The following NOCT variants were observed in gnomAD, a reference collection of about 807,000 sequenced individuals.
The protein encoded by NOCT is nocturnin.
NOCT carries 18 observed loss-of-function variants against 35.0 expected under a neutral mutation model. The observed-to-expected ratio is 0.51, with a 90% CI of 0.36 to 0.76. The LOEUF is 0.76. Ranked by LOEUF, NOCT falls within the 30% of genes least tolerant of loss-of-function variation. The pLI is 0.01. For synonymous variants in NOCT, 235 were observed against 226.3 expected (o/e 1.04, Z -0.34); for missense variants, 479 against 541.0 (o/e 0.89, Z 1.14).
intron 1 of NOCT, among the ~76,000 whole-genome samples, chr4:139,022,262 A>G (rs1216692202): frequency 2.6e-5 from 4 of 152,176 alleles, no homozygotes; most frequent in African/African-American, 9.7e-5. Flanking sequence ...GGAGGGAGTG[A>G]GACCTCAAGT....
chr4:139,028,963 C>T (rs537605277), intron 1 of NOCT, among the ~76,000 whole-genome samples: 92 of 151,604 alleles, frequency 6.1e-4, no homozygotes, highest in African/African-American at 2.1e-3. Flanking sequence ...CTCAGCCTCC[C>T]GAGTAGCTGA....
At chr4:139,040,034 A>G (rs1045034813) in intron 1 of NOCT, among the ~76,000 whole-genome samples, 42 of 112,962 alleles carry the variant, frequency 3.7e-4, no homozygotes, top group African/African-American at 1.3e-3. Flanking sequence ...GGCCTCTTGT[A>G]TCATTTTCTT....
chr4:139,044,656 G>A lies in NOCT; in HGVS notation c.478G>A (p.Asp160Asn). 1 of 1,610,796 alleles carries A rather than the reference G, an allele frequency of 6.2e-7. No homozygotes were observed. The highest frequency in any genetic ancestry group is 8.5e-7 in the Non-Finnish European group (1 of 1,177,654). ...CTTTTCAGCTCTTGGAGAAGGCAAAGACAACTTTGTACAGTGCCCTGTTGA... is the reference window on the plus strand; with the variant it reads ...CTTTTCAGCTCTTGGAGAAGGCAAAAACAACTTTGTACAGTGCCCTGTTGA... ...ILAQALGEGK[D>N]NFVQCPVEAL... is the part of the protein sequence containing the mutation. Residue 160 changes from aspartate to asparagine, a missense_variant, in exon 3 of 3, where the codon GAC (aspartate) becomes AAC (asparagine). Physicochemically the swap from Asp to Asn is conservative, Grantham distance 23 (BLOSUM62 1). Around this residue, in one of 2 missense-constraint regions of NOCT, gnomAD observed 265 missense variants for 257.0 expected, o/e 1.03. Coordinates refer to ENST00000280614, the MANE Select transcript of NOCT (RefSeq NM_012118.4).
chr4:139,042,736 G>A (rs1338686222), intron 1 of NOCT, among the ~76,000 whole-genome samples: 5 of 151,944 alleles, frequency 3.3e-5, no homozygotes, highest in African/African-American at 1.2e-4. Context: ...ACCAACATGG[G>A]GAAACCCCAT....
chr4:139,045,639 C>G lies in NOCT; in HGVS notation c.*165C>G, dbSNP rs1005950050. 14 of 509,218 alleles carry G rather than the reference C, an allele frequency of 2.7e-5. No individual in the cohort carries two copies. Among genetic ancestry groups the G allele is most frequent in the African/African-American group, 2.5e-4 (13 of 51,086 alleles). 31.5% of individuals were successfully genotyped at this position (509,218 alleles called of 1,614,324 possible). ...TCATGGCATTCTCCTGCCTCAGCCTCCAGAGCAACTGGGACAACAGGCGCC... is the reference window on the plus strand; with the variant it reads ...TCATGGCATTCTCCTGCCTCAGCCTGCAGAGCAACTGGGACAACAGGCGCC... On this transcript the variant is annotated 3_prime_UTR_variant, in exon 3 of 3. Coordinates refer to ENST00000280614, the MANE Select transcript of NOCT (RefSeq NM_012118.4).
At position 139,024,698 on chromosome 4, in the gene NOCT, C is replaced by T. The variant is rs542019939; in HGVS notation, c.190+8527C>T. On this transcript the variant is annotated intron_variant, in intron 1 of 2. Transcript: ENST00000280614. ...CCTCCATCAACCTGGTTCAAGCACTCCTCCCACCTCAGCCTCCCAAGTAGC... is the reference window on the plus strand; with the variant it reads ...CCTCCATCAACCTGGTTCAAGCACTTCTCCCACCTCAGCCTCCCAAGTAGC... 5.3e-5 allele frequency among the ~76,000 whole-genome samples: 8 copies of T among 152,184 alleles called. No individual in the cohort carries two copies. The East Asian group carries it at 1.5e-3, about 29-fold the overall frequency.
rs114299244 is a variant in NOCT, at chr4:139,029,308, T to A, written c.190+13137T>A. On this transcript the variant is annotated intron_variant, in intron 1 of 2. Transcript: ENST00000280614. The stretch of plus-strand genomic sequence containing the variant: ...ATTACACTTACCTATATGAAGAAGA[T>A]AATGAAGAAGCAGAGAGGTAAATAA... Among the ~76,000 whole-genome samples the A allele has an allele frequency of 1.0e-3, 159 of 152,306 alleles. 1 individual carries two copies. Among genetic ancestry groups the A allele is most frequent in the African/African-American group, 3.8e-3 (156 of 41,566 alleles).
chr4:139,043,465 C>T (rs1367614713), intron 2 of NOCT, 122 bp downstream of exon 2: 2 of 923,040 alleles, frequency 2.2e-6, no homozygotes, highest in Non-Finnish European at 3.4e-6. Context: ...GAGGTGACTG[C>T]AGCAGCATGG....
In NOCT at chr4:139,016,035, C is replaced by T; in HGVS notation, c.54C>T (p.Pro18=). ...CGGCCCTGCTGCAGAGGGACGCGCCCGGCCTGCGCCGCCTGCCCGCCCCAG... is the reference window on the plus strand; with the variant it reads ...CGGCCCTGCTGCAGAGGGACGCGCCTGGCCTGCGCCGCCTGCCCGCCCCAG... ...LCSALLQRDA[P]GLRRLPAPGL... Residue 18 remains proline, a synonymous_variant, in exon 1 of 3, where the codon CCC becomes CCT. Transcript: ENST00000280614. 2.9e-6 allele frequency: 4 copies of T among 1,391,248 alleles called. No individual in the cohort carries two copies. The highest frequency in any genetic ancestry group is 3.7e-6 in the Non-Finnish European group (4 of 1,071,992). 86.2% of individuals were successfully genotyped at this position (1,391,248 alleles called of 1,614,324 possible).
intron 1 of NOCT, among the ~76,000 whole-genome samples, chr4:139,027,465 TGTG>T (rs1439490546): frequency 6.6e-6 from 1 of 152,070 alleles, no homozygotes. Flanking sequence ...GCTGTTGTAG[TGTG>T]AAAGCAGCTA....
intron 1 of NOCT, among the ~76,000 whole-genome samples, chr4:139,039,959 C>T (rs1578632745): frequency 6.6e-6 from 1 of 151,894 alleles, no homozygotes; most frequent in Admixed American, 6.6e-5. Context: ...AACTCCTGAC[C>T]TCAGGTGATC....
At position 139,045,536 on chromosome 4, in the gene NOCT, A is replaced by G. The variant is rs1357718195; in HGVS notation, c.*62A>G. 1.1e-4 allele frequency: 39 copies of G among 352,350 alleles called. No individual in the cohort carries two copies. The highest frequency in any genetic ancestry group is 1.6e-4 in the Non-Finnish European group (36 of 222,168). The allele number at this position is 352,350 out of a possible 1,614,324, so 21.8% of individuals were successfully genotyped here. ...TTTTTTTTTTTTTTTTTTTTTTTTG[A>G]GACAGAGTCTCGCTCTGTTGCCTAG... On this transcript the variant is annotated 3_prime_UTR_variant, in exon 3 of 3. Transcript: ENST00000280614.
intron 1 of NOCT, among the ~76,000 whole-genome samples, chr4:139,037,632 A>G (rs950300659): frequency 6.6e-6 from 1 of 152,174 alleles, no homozygotes; most frequent in African/African-American, 2.4e-5. Flanking sequence ...TATATGAGGA[A>G]CATAGATTTG....
chr4:139,017,225 C>CTTT lies in NOCT; in HGVS notation c.190+1071_190+1073dup, dbSNP rs547505786. Reference sequence around the variant, plus strand: ...TCTTTCAAAACTAGGCAATACATAACTTTTTTTTTTTTTTTTTTTGAGACG... The same window carrying CTTT: ...TCTTTCAAAACTAGGCAATACATAACTTTTTTTTTTTTTTTTTTTTTTGAGACG... On this transcript the variant is annotated intron_variant, in intron 1 of 2. Transcript: ENST00000280614. Among the ~76,000 whole-genome samples the CTTT allele has an allele frequency of 1.2e-4, 15 of 122,826 alleles. 1 individual carries two copies. The highest frequency in any genetic ancestry group is 2.5e-4 in the East Asian group (1 of 3,974). The allele number at this position is 122,826 out of a possible 152,430, so 80.6% of individuals were successfully genotyped here. A position where few individuals can be genotyped will look rare whatever the true frequency, so the allele number is the denominator to read the frequency against.
At chr4:139,039,506 G>T in intron 1 of NOCT, among the ~76,000 whole-genome samples, 1 of 147,026 alleles carries the variant, frequency 6.8e-6, no homozygotes, top group African/African-American at 2.5e-5. Flanking sequence ...CCCTTTCGTT[G>T]GTCTTCATCT....
At chr4:139,036,767 GA>G (rs1172302845) in intron 1 of NOCT, among the ~76,000 whole-genome samples, 19 of 151,934 alleles carry the variant, frequency 1.3e-4, no homozygotes, top group African/African-American at 4.6e-4. Context: ...TCAGAGAATA[GA>G]GAAATAAATG....
chr4:139,031,966 G>C (rs1025950398), intron 1 of NOCT, among the ~76,000 whole-genome samples: 1 of 152,132 alleles, frequency 6.6e-6, no homozygotes, highest in Non-Finnish European at 1.5e-5. Context: ...ACCCACCTTG[G>C]CCTCCCAAAG....
At chr4:139,024,135 ACTGTAAC>A (rs1239209268) in intron 1 of NOCT, among the ~76,000 whole-genome samples, 10 of 147,010 alleles carry the variant, frequency 6.8e-5, no homozygotes, top group African/African-American at 2.5e-4. Context: ...ATCATAGCTC[ACTGTAAC>A]CTCCAACTCC....
intron 1 of NOCT, among the ~76,000 whole-genome samples, chr4:139,037,248 A>G (rs185525814): frequency 1.2e-4 from 19 of 152,316 alleles, no homozygotes; most frequent in Non-Finnish European, 2.5e-4. Flanking sequence ...GCCCAATGAT[A>G]TCTTTCTCAG....
Sources: gnomAD v4.1 joint callset for allele counts (sites outside exome capture counted in the v4.1 genomes callset) on GRCh38, gnomAD v4.1.1 for gene constraint, gnomAD v4.1.1 regional missense constraint, MANE v1.5 for transcripts, NCBI Gene and HGNC (gene_info 2026-07-23, HGNC 2026-07-21) for gene names.